Variants in GDAP1 observed in about 807,000 individuals in gnomAD.
The protein encoded by GDAP1 is ganglioside induced differentiation associated protein 1.
GDAP1 carries 34 observed loss-of-function variants against 40.1 expected under a neutral mutation model. The observed-to-expected ratio is 0.85, with a 90% CI of 0.64 to 1.13. The LOEUF is 1.13. Ranked by LOEUF, GDAP1 falls within the 50% of genes most tolerant of loss-of-function variation. The probability of loss-of-function intolerance (pLI) is 0.00; values close to 1 mark genes in which losing one functional copy is unlikely to be tolerated. For missense variants in GDAP1, 374 were observed against 433.7 expected, an observed-to-expected ratio of 0.86 and a Z score of 1.22; for synonymous variants, 170 against 157.4, an observed-to-expected ratio of 1.08 and a Z score of -0.60.
At chr8:74,370,173 A>G (rs1809724175), downstream of GDAP1, among the ~76,000 whole-genome samples, 3 of 152,256 alleles carry the variant, frequency 2.0e-5, no homozygotes, top group South Asian at 2.1e-4. Context: ...AATAATGGGT[A>G]CATATAAAGA....
chr8:74,404,334 T>C (rs903815260), intron 2 of GDAP1, among the ~76,000 whole-genome samples: 1 of 149,494 alleles, frequency 6.7e-6, no homozygotes, highest in Middle Eastern at 3.2e-3. Flanking sequence ...CTATAGTAGC[T>C]AGTATTTAGT....
chr8:74,410,909 C>G (rs1355746236), intron 2 of GDAP1, among the ~76,000 whole-genome samples: 1 of 150,078 alleles, frequency 6.7e-6, no homozygotes, highest in East Asian at 1.9e-4. Flanking sequence ...GTGTCCCACC[C>G]AAATCTCATC....
chr8:74,356,907 G>A (rs1371614995), intron 2 of GDAP1, among the ~76,000 whole-genome samples: 1 of 151,702 alleles, frequency 6.6e-6, no homozygotes, highest in African/African-American at 2.4e-5. Context: ...TAGAGACGGG[G>A]TTTCACCATG....
chr8:74,484,950 A>C (rs951973988), intron 2 of GDAP1, among the ~76,000 whole-genome samples: 1 of 152,040 alleles, frequency 6.6e-6, no homozygotes, highest in Non-Finnish European at 1.5e-5. Flanking sequence ...CCATTGCCCA[A>C]AGTCTCTTTT....
chr8:74,390,568 G>A (rs1016954813), intron 2 of GDAP1, among the ~76,000 whole-genome samples: 1 of 152,128 alleles, frequency 6.6e-6, no homozygotes, highest in African/African-American at 2.4e-5. Flanking sequence ...GTCCCAGAGG[G>A]GCACCCGCCA....
Position 74,364,944 on chromosome 8 carries a change from T to C in GDAP1, c.*577T>C. ...TCTGCCTAGCATTTCTGTAAAAGTC[T>C]TAAGTGATATTAAGATGATTCCTTA... is the stretch of plus-strand genomic sequence containing the variant. On this transcript the variant is annotated 3_prime_UTR_variant, in exon 6 of 6. Transcript: ENST00000220822. 1 of 454,148 alleles carries C rather than the reference T, an allele frequency of 2.2e-6. No individual in the cohort carries two copies. Among genetic ancestry groups the C allele is most frequent in the Non-Finnish European group, 4.4e-6 (1 of 226,798 alleles). 28.1% of individuals were successfully genotyped at this position (454,148 alleles called of 1,614,324 possible).
chr8:74,419,392 G>A (rs1586828917), intron 2 of GDAP1, among the ~76,000 whole-genome samples: 1 of 152,132 alleles, frequency 6.6e-6, no homozygotes. Flanking sequence ...AAGCTCAAAG[G>A]CATTCAGAGT....
intron 2 of GDAP1, among the ~76,000 whole-genome samples, chr8:74,440,035 A>C (rs1401706853): frequency 6.6e-6 from 1 of 152,138 alleles, no homozygotes; most frequent in African/African-American, 2.4e-5. Context: ...TGGAAAATTT[A>C]ATATTGTTAT....
At chr8:74,487,165 A>G (rs1355748725) in intron 2 of GDAP1, among the ~76,000 whole-genome samples, 2 of 152,154 alleles carry the variant, frequency 1.3e-5, no homozygotes, top group South Asian at 2.1e-4. Flanking sequence ...TTAATATTAT[A>G]TGTGAAAATA....
chr8:74,366,256 G>A lies in GDAP1; in HGVS notation c.*1889G>A, dbSNP rs1282743971. On this transcript the variant is annotated 3_prime_UTR_variant, in exon 6 of 6. Coordinates refer to ENST00000220822, the MANE Select transcript of GDAP1 (RefSeq NM_018972.4). ...GGATACTTGAGTTTGTGCTTTTAAG[G>A]TGTTTGTTTAGGGATACAATGACCA... 2.2e-6 allele frequency: 1 copy of A among 454,124 alleles called. No homozygotes were observed. The highest frequency in any genetic ancestry group is 4.4e-6 in the Non-Finnish European group (1 of 226,756). The allele number at this position is 454,124 out of a possible 1,614,324, so 28.1% of individuals were successfully genotyped here. A position where few individuals can be genotyped will look rare whatever the true frequency, so the allele number is the denominator to read the frequency against.
At position 74,402,189 on chromosome 8, in the gene GDAP1, A is replaced by T. The variant is rs1023814047; in HGVS notation, c.165+50868A>T. Among the ~76,000 whole-genome samples the T allele has an allele frequency of 2.1e-4, 32 of 150,328 alleles. 5 individuals are homozygous for T. Among genetic ancestry groups the T allele is most frequent in the African/African-American group, 7.8e-4 (31 of 39,650 alleles). Reference sequence around the variant, plus strand: ...CTACAGAGGCAGGCAGGCCTCCTTGAGCTGTGGTGGGCTCCACCCAATTGG... The same window carrying T: ...CTACAGAGGCAGGCAGGCCTCCTTGTGCTGTGGTGGGCTCCACCCAATTGG... On this transcript the variant is annotated intron_variant, in intron 2 of 2. Transcript: ENST00000523640.
intron 2 of GDAP1, among the ~76,000 whole-genome samples, chr8:74,462,453 T>A (rs765753358): frequency 3.3e-5 from 5 of 152,224 alleles, no homozygotes; most frequent in Non-Finnish European, 5.9e-5. Context: ...CCTATTTTCC[T>A]TAGTGCCTTG....
At chr8:74,420,825 T>G (rs1351969993) in intron 2 of GDAP1, among the ~76,000 whole-genome samples, 1 of 152,110 alleles carries the variant, frequency 6.6e-6, no homozygotes, top group African/African-American at 2.4e-5. Context: ...TTTTTTAATG[T>G]TTCAGCAATC....
At chr8:74,453,144 A>G (rs1806305280) in intron 2 of GDAP1, among the ~76,000 whole-genome samples, 1 of 83,582 alleles carries the variant, frequency 1.2e-5, no homozygotes, top group Admixed American at 1.2e-4. Context: ...CTTATCATTC[A>G]AACTTTGTTT....
intron 2 of GDAP1, among the ~76,000 whole-genome samples, chr8:74,374,771 C>T (rs1809822988): frequency 6.6e-6 from 1 of 151,782 alleles, no homozygotes; most frequent in African/African-American, 2.4e-5. Flanking sequence ...TTGAAAAATA[C>T]AACTTCTCAA....
intron 2 of GDAP1, among the ~76,000 whole-genome samples, chr8:74,374,885 A>G (rs968069511): frequency 6.6e-6 from 1 of 152,218 alleles, no homozygotes. Context: ...TTCAAGGCCT[A>G]AATGGTTTTA....
chr8:74,462,264 T>C (rs1286850800), intron 2 of GDAP1, among the ~76,000 whole-genome samples: 2 of 152,208 alleles, frequency 1.3e-5, no homozygotes, highest in Admixed American at 6.5e-5. Flanking sequence ...TTATTGATTG[T>C]GTGTTCTAAG....
Position 74,360,342 on chromosome 8 carries a change from G to A in GDAP1, c.484+32G>A, listed in dbSNP as rs1188213339. 3.9e-6 allele frequency: 6 copies of A among 1,558,248 alleles called. No homozygotes were observed. In the South Asian group the frequency reaches 6.7e-5, roughly 17 times the overall value. ...AAACATTTTAAAGACCTGGAATTCT[G>A]TCTGACACTTTCTTTTAATTCATTT... On this transcript the variant is annotated intron_variant, in intron 3 of 5. Coordinates refer to ENST00000220822, the MANE Select transcript of GDAP1 (RefSeq NM_018972.4).
intron 2 of GDAP1, among the ~76,000 whole-genome samples, chr8:74,474,731 C>T (rs1033664747): frequency 1.3e-5 from 2 of 152,130 alleles, no homozygotes; most frequent in African/African-American, 2.4e-5. Flanking sequence ...CAATGTTCAT[C>T]AAGGATTTTG....
Sources: allele counts gnomAD v4.1 joint callset (sites outside exome capture counted in the v4.1 genomes callset), GRCh38; gene constraint gnomAD v4.1.1; transcripts MANE v1.5; gene names NCBI Gene and HGNC (gene_info 2026-07-23, HGNC 2026-07-21).